Variants in PPME1 observed in about 807,000 individuals in gnomAD.
The protein encoded by PPME1 is testicular secretory protein Li 39.
Under a neutral mutation model 56.9 loss-of-function variants are expected in PPME1, and 17 were observed. The observed-to-expected ratio is 0.30, with a 90% CI of 0.20 to 0.45. PPME1 has a LOEUF of 0.45. Ranked by LOEUF, PPME1 falls within the 20% of genes least tolerant of loss-of-function variation. The pLI, the probability that PPME1 is intolerant of heterozygous loss-of-function variation, is 1.00. For missense variants in PPME1, 357 were observed against 483.2 expected (o/e 0.74, Z 2.45); for synonymous variants, 122 against 156.2 (o/e 0.78, Z 1.63).
At chr11:74,236,077 A>T in intron 8 of PPME1, 111 bp downstream of exon 8, 1 of 1,459,044 alleles carries the variant, frequency 6.9e-7, no homozygotes, top group Non-Finnish European at 9.1e-7. Context: ...AAATGCCTTT[A>T]TTATTTTAAA....
intron 8 of PPME1, among the ~76,000 whole-genome samples, chr11:74,236,652 TG>T (rs1327359115): frequency 6.6e-6 from 1 of 152,182 alleles, no homozygotes; most frequent in Non-Finnish European, 1.5e-5. Context: ...AGTGATACAG[TG>T]GATGGACCCC....
intron 3 of PPME1, among the ~76,000 whole-genome samples, chr11:74,207,480 A>G (rs1405432827): frequency 6.6e-6 from 1 of 152,256 alleles, no homozygotes; most frequent in Non-Finnish European, 1.5e-5. Context: ...TTGTGGAACT[A>G]TCAAAGGGAT....
chr11:74,177,867 T>A (rs1857438786), intron 1 of PPME1, among the ~76,000 whole-genome samples: 1 of 152,228 alleles, frequency 6.6e-6, no homozygotes, highest in Non-Finnish European at 1.5e-5. Flanking sequence ...TGACCTAAGT[T>A]ATATTCAATC....
At chr11:74,178,357 C>G (rs533010710) in intron 1 of PPME1, among the ~76,000 whole-genome samples, 2 of 152,300 alleles carry the variant, frequency 1.3e-5, no homozygotes, top group African/African-American at 4.8e-5. Context: ...CATACCCATC[C>G]TAAAACCAAT....
chr11:74,191,004 A>G (rs77879998), intron 1 of PPME1, among the ~76,000 whole-genome samples: 5,597 of 152,270 alleles, frequency 0.037, 216 homozygotes, highest in African/African-American at 0.098. Context: ...CAAAGCATTC[A>G]AGAGGTGACC....
intron 1 of PPME1, among the ~76,000 whole-genome samples, chr11:74,200,384 TGTG>T (rs1242000388): frequency 6.6e-6 from 1 of 151,810 alleles, no homozygotes; most frequent in African/African-American, 2.4e-5. Context: ...TGTGTGTGTG[TGTG>T]TGTGTGTGTG....
chr11:74,239,072 C>G (rs1859276141), intron 8 of PPME1, 61 bp from the exon 9 acceptor site: 1 of 1,496,662 alleles, frequency 6.7e-7, no homozygotes, highest in African/African-American at 1.4e-5. Flanking sequence ...GTATGAGTAT[C>G]TCTGAGATAA....
In PPME1 at chr11:74,236,873, G is replaced by A. The variant is rs544474874; in HGVS notation, c.710+907G>A. ...GACATTATTACACGTAAAAAAATTG[G>A]CAATTCTTTAATATCATCAAATATC... On this transcript the variant is annotated intron_variant, in intron 8 of 13. Transcript: ENST00000328257. Among the ~76,000 whole-genome samples, 15 of 152,138 alleles carry A rather than the reference G, an allele frequency of 9.9e-5. No individual in the cohort carries two copies. In the South Asian group the frequency reaches 3.1e-3, roughly 32 times the overall value.
chr11:74,195,255 C>T (rs1478651714), intron 1 of PPME1, among the ~76,000 whole-genome samples: 1 of 152,202 alleles, frequency 6.6e-6, no homozygotes, highest in Non-Finnish European at 1.5e-5. Flanking sequence ...GTTTCCCACA[C>T]TGGTATTGAA....
At chr11:74,210,826 T>A (rs1248310825) in intron 3 of PPME1, among the ~76,000 whole-genome samples, 1 of 152,238 alleles carries the variant, frequency 6.6e-6, no homozygotes, top group African/African-American at 2.4e-5. Context: ...CCGATATTTC[T>A]TTATAGCAGC....
At chr11:74,206,971 A>G (rs1056745770) in intron 3 of PPME1, among the ~76,000 whole-genome samples, 22 of 152,156 alleles carry the variant, frequency 1.4e-4, no homozygotes, top group African/African-American at 5.3e-4. Flanking sequence ...CTGTAATACT[A>G]TGAGATTAGC....
chr11:74,241,834 G>T (rs1252802013), intron 9 of PPME1, among the ~76,000 whole-genome samples: 1 of 151,940 alleles, frequency 6.6e-6, no homozygotes, highest in East Asian at 1.9e-4. Context: ...TTTTACTTGG[G>T]TTATTTGATT....
At chr11:74,194,342 C>T (rs1336721175) in intron 1 of PPME1, among the ~76,000 whole-genome samples, 1 of 151,300 alleles carries the variant, frequency 6.6e-6, no homozygotes, top group Non-Finnish European at 1.5e-5. Context: ...CTTCCCACCT[C>T]GGGCTTTGTG....
chr11:74,204,527 A>T (rs1196125512), intron 3 of PPME1, 82 bp downstream of exon 3: 1 of 1,216,814 alleles, frequency 8.2e-7, no homozygotes, highest in Non-Finnish European at 1.2e-6. Flanking sequence ...GGAAGTTAAC[A>T]CATTCTATTT....
At chr11:74,203,257 G>T (rs903686007) in intron 1 of PPME1, among the ~76,000 whole-genome samples, 8 of 152,184 alleles carry the variant, frequency 5.3e-5, no homozygotes, top group African/African-American at 1.9e-4. Flanking sequence ...GGAATGACAA[G>T]GAAGCATGAA....
chr11:74,236,048 C>T, intron 8 of PPME1, 82 bp downstream of exon 8: 1 of 1,537,418 alleles, frequency 6.5e-7, no homozygotes, highest in African/African-American at 1.4e-5. Context: ...TTGTCTTACA[C>T]CAATTCTACC....
intron 9 of PPME1, among the ~76,000 whole-genome samples, chr11:74,244,285 C>T (rs961060017): frequency 6.6e-6 from 1 of 152,170 alleles, no homozygotes; most frequent in Non-Finnish European, 1.5e-5. Context: ...GATATGTACC[C>T]AGAAGTGGGA....
chr11:74,201,089 C>G (rs1858150419), intron 1 of PPME1, among the ~76,000 whole-genome samples: 1 of 152,030 alleles, frequency 6.6e-6, no homozygotes, highest in Admixed American at 6.5e-5. Flanking sequence ...CATTCTCCTG[C>G]CTCAGCCTCC....
chr11:74,220,737 T>C (rs1033711101), intron 3 of PPME1, among the ~76,000 whole-genome samples: 4 of 152,224 alleles, frequency 2.6e-5, no homozygotes, highest in African/African-American at 9.6e-5. Context: ...CAGTTATTGC[T>C]AAACACCATA....
Sources: allele counts gnomAD v4.1 joint callset (sites outside exome capture counted in the v4.1 genomes callset), GRCh38; gene constraint gnomAD v4.1.1; transcripts MANE v1.5; gene names NCBI Gene and HGNC (gene_info 2026-07-23, HGNC 2026-07-21).